The following AFF4 variants were observed in gnomAD, a reference collection of about 807,000 sequenced individuals.
AFF4 encodes ALF transcription elongation factor 4.
Under a neutral mutation model 124.8 loss-of-function variants are expected in AFF4, and 13 were observed. The observed-to-expected ratio is 0.10, with a 90% CI of 0.07 to 0.17. AFF4 has a LOEUF of 0.17. Ranked by LOEUF, AFF4 falls within the 10% of genes least tolerant of loss-of-function variation. The probability of loss-of-function intolerance (pLI) is 1.00; values close to 1 mark genes in which losing one functional copy is unlikely to be tolerated. For missense variants in AFF4, 1,092 were observed against 1,403.8 expected (o/e 0.78, Z 3.55); for synonymous variants, 477 against 496.1 (o/e 0.96, Z 0.51).
At position 132,934,535 on chromosome 5, in the gene AFF4, C is replaced by T. The variant is rs1190255754; in HGVS notation, c.530G>A (p.Arg177His). Reference protein sequence around the residue: ...GQHGSEHSKSRSSSPGKPQAV... With the variant: ...GQHGSEHSKSHSSSPGKPQAV... ...CTGGGGTTTTCCAGGGCTGGAAGAA[C>T]GTGATTTGGAGTGTTCTGATCCATG... Residue 177 changes from arginine (R) to histidine (H), a missense_variant, in exon 3 of 21, where the codon CGT (arginine) becomes CAT (histidine). Physicochemically the swap from Arg to His is conservative, Grantham distance 29. Coordinates refer to ENST00000265343, the MANE Select transcript of AFF4 (RefSeq NM_014423.4). 5.0e-6 allele frequency: 8 copies of T among 1,614,088 alleles called. No homozygotes were observed. Among genetic ancestry groups the T allele is most frequent in the South Asian group, 2.2e-5 (2 of 91,080 alleles).
chr5:132,919,226 A>G (rs1760984486), intron 5 of AFF4, among the ~76,000 whole-genome samples: 1 of 152,146 alleles, frequency 6.6e-6, no homozygotes, highest in Non-Finnish European at 1.5e-5. Context: ...GAAAAGTCAA[A>G]TCTACTTTGA....
At position 132,880,932 on chromosome 5, in the gene AFF4, A is replaced by G; in HGVS notation, c.*127T>C. 3 of 1,256,346 alleles carry G rather than the reference A, an allele frequency of 2.4e-6. No individual in the cohort carries two copies. The highest frequency in any genetic ancestry group is 3.3e-6 in the Non-Finnish European group (3 of 918,416). The allele number at this position is 1,256,346 out of a possible 1,614,324, so 77.8% of individuals were successfully genotyped here. On this transcript the variant is annotated 3_prime_UTR_variant, in exon 21 of 21. Coordinates refer to ENST00000265343, the MANE Select transcript of AFF4 (RefSeq NM_014423.4). ...TTTGGATTATCAAAAACAACAACAC[A>G]TGAACCAACGAGGAGAAAACTATTC...
At chr5:132,941,635 C>G (rs767688576) in intron 1 of AFF4, among the ~76,000 whole-genome samples, 1 of 152,126 alleles carries the variant, frequency 6.6e-6, no homozygotes. Context: ...AGTGCCCAGC[C>G]AACAAACTCA....
chr5:132,934,110 T>C (rs1367266981), intron 3 of AFF4, 37 bp downstream of exon 3: 1 of 1,571,528 alleles, frequency 6.4e-7, no homozygotes, highest in East Asian at 2.2e-5. Context: ...TTGCTTCACG[T>C]AGTCACAATG....
rs753627940 is a variant in AFF4, at chr5:132,898,350, G to A, written c.1269C>T (p.Asn423=). The change falls in exon 10 of 21, where the codon AAC becomes AAT. Residue 423 remains asparagine (N), a synonymous_variant. Coordinates refer to ENST00000265343, the MANE Select transcript of AFF4 (RefSeq NM_014423.4). Reference sequence around the variant, plus strand: ...TGTGGCTACTAGAATCATCCCTGGAGTTATCTGCTCCTTCACTATTATGGT... The same window carrying A: ...TGTGGCTACTAGAATCATCCCTGGAATTATCTGCTCCTTCACTATTATGGT... The part of the protein sequence containing the change: ...PSHHNSEGAD[N]SRDDSSSHSG... The A allele has an allele frequency of 2.5e-6, 4 of 1,614,210 alleles. No homozygotes were observed. The Admixed American group carries it at 5.0e-5, about 20-fold the overall frequency.
chr5:132,925,178 A>AAAATAAATAAATAAAT (rs59847844), intron 5 of AFF4, among the ~76,000 whole-genome samples: 10 of 150,890 alleles, frequency 6.6e-5, no homozygotes, highest in African/African-American at 2.5e-4. Context: ...CCATCTCAGA[A>AAAATAAATAAATAAAT]AAATAAATAA....
intron 5 of AFF4, among the ~76,000 whole-genome samples, chr5:132,914,742 A>G (rs1760869732): frequency 6.6e-6 from 1 of 152,190 alleles, no homozygotes; most frequent in Non-Finnish European, 1.5e-5. Flanking sequence ...TAGCCAGGAC[A>G]CTCAAGAAAA....
chr5:132,954,545 TC>T (rs1312195586), intron 1 of AFF4, among the ~76,000 whole-genome samples: 1 of 127,840 alleles, frequency 7.8e-6, no homozygotes, highest in African/African-American at 3.2e-5. Context: ...CAAACAATGC[TC>T]TTTTTTTTTT....
At chr5:132,949,954 T>C (rs1479390781) in intron 1 of AFF4, among the ~76,000 whole-genome samples, 1 of 151,812 alleles carries the variant, frequency 6.6e-6, no homozygotes, top group East Asian at 1.9e-4. Context: ...GCCCAGGAGT[T>C]TGAGGCTGCA....
rs200457433 is a variant in AFF4 at position 132,889,142 on chromosome 5, G to A, written c.2669C>T (p.Pro890Leu). 1.8e-4 allele frequency: 292 copies of A among 1,613,928 alleles called. 1 individual carries two copies. The highest frequency in any genetic ancestry group is 1.9e-4 in the Non-Finnish European group (229 of 1,179,874). Residue 890 changes from proline to leucine, a missense_variant, in exon 14 of 21, where the codon CCT becomes CTT. Around this residue, in one of 11 missense-constraint regions of AFF4, gnomAD observed 293 missense variants for 280.2 expected, o/e 1.05. Transcript: ENST00000265343. ...EKAPSSSSNC[P>L]PSAPTLDSSK... ...AGAATCAAGAGTTGGTGCAGATGGA[G>A]GACAGTTAGAGGAGCTACTTGGAGC...
intron 1 of AFF4, among the ~76,000 whole-genome samples, chr5:132,951,919 G>T (rs1006163285): frequency 7.2e-5 from 11 of 152,164 alleles, no homozygotes; most frequent in African/African-American, 2.7e-4. Flanking sequence ...TATTAAAAAG[G>T]TATACTCTTA....
rs1461245811 is a variant in AFF4 at position 132,879,736 on chromosome 5, ATATACAACTC to A, written c.*1313_*1322del. On this transcript the variant is annotated 3_prime_UTR_variant, in exon 21 of 21. Transcript: ENST00000265343. ...GCACCTTGTAGCAAAAGGTACTTTG[ATATACAACTC>A]TTACAGAGCCAGCTTCTTTAAGCTC... 1 of 216,998 alleles carries A rather than the reference ATATACAACTC, an allele frequency of 4.6e-6. No homozygotes were observed. The highest frequency in any genetic ancestry group is 9.3e-6 in the Non-Finnish European group (1 of 107,542). The allele number at this position is 216,998 out of a possible 1,614,324, so 13.4% of individuals were successfully genotyped here. A position where few individuals can be genotyped will look rare whatever the true frequency, so the allele number is the denominator to read the frequency against.
intron 1 of AFF4, among the ~76,000 whole-genome samples, chr5:132,939,729 G>A (rs572345835): frequency 1.3e-5 from 2 of 152,318 alleles, no homozygotes; most frequent in South Asian, 4.1e-4. Context: ...TCCTGCCTCA[G>A]CCTCCTGAGT....
chr5:132,916,092 T>A (rs1415281473), intron 5 of AFF4, among the ~76,000 whole-genome samples: 3 of 151,580 alleles, frequency 2.0e-5, no homozygotes, highest in Non-Finnish European at 2.9e-5. Flanking sequence ...TAAAAAATTA[T>A]CTGGGTGTGG....
At chr5:132,906,747 G>T (rs1760679632) in intron 5 of AFF4, among the ~76,000 whole-genome samples, 1 of 152,140 alleles carries the variant, frequency 6.6e-6, no homozygotes, top group African/African-American at 2.4e-5. Flanking sequence ...CAGTACTGCT[G>T]TTAAAAAACT....
chr5:132,902,350 A>T, intron 7 of AFF4, 92 bp downstream of exon 7: 1 of 1,097,182 alleles, frequency 9.1e-7, no homozygotes. Context: ...GCCCAGCCTC[A>T]ATATTTCTAA....
At chr5:132,925,742 A>G (rs559712834) in intron 5 of AFF4, among the ~76,000 whole-genome samples, 2 of 152,382 alleles carry the variant, frequency 1.3e-5, no homozygotes, top group Admixed American at 6.5e-5. Flanking sequence ...CTGCTGTTTA[A>G]TAATATCAAA....
chr5:132,896,262 G>A (rs1760391899), intron 11 of AFF4, 61 bp downstream of exon 11: 11 of 1,517,676 alleles, frequency 7.2e-6, no homozygotes, highest in Non-Finnish European at 9.6e-6. Context: ...GGCTTACTGA[G>A]ATTTCCACCG....
At position 132,910,851 on chromosome 5, in the gene AFF4, C is replaced by T. The variant is rs138743224; in HGVS notation, c.1051-6447G>A. ...GAGCAAGAACATTTAAATTGTACAGCGTTCTATCTCCAGTGTCAAGAACAC... is the reference window on the plus strand; with the variant it reads ...GAGCAAGAACATTTAAATTGTACAGTGTTCTATCTCCAGTGTCAAGAACAC... On this transcript the variant is annotated intron_variant, in intron 5 of 20. Coordinates refer to ENST00000265343, the MANE Select transcript of AFF4 (RefSeq NM_014423.4). 2.2e-3 allele frequency among the ~76,000 whole-genome samples: 336 copies of T among 152,264 alleles called. 1 individual carries two copies. Among genetic ancestry groups the T allele is most frequent in the Non-Finnish European group, 3.3e-3 (227 of 68,018 alleles).
Sources: allele counts gnomAD v4.1 joint callset (sites outside exome capture counted in the v4.1 genomes callset), GRCh38; gene constraint gnomAD v4.1.1; regional missense constraint gnomAD v4.1.1; transcripts MANE v1.5; gene names NCBI Gene and HGNC (gene_info 2026-07-23, HGNC 2026-07-21).